Variants in GARIN1A observed in about 807,000 individuals in gnomAD.
The protein encoded by GARIN1A is golgi associated RAB2 interactor 1A.
the GARIN1A span, chr7:128,690,431 T>TAAC: frequency 2.6e-5 from 4 of 152,862 alleles, no homozygotes; most frequent in Middle Eastern, 6.8e-3. Flanking sequence ...ATAATAATAA[T>TAAC]AACGGTCAAT....
chr7:128,676,232 G>T, the GARIN1A span, among the ~76,000 whole-genome samples: 1 of 151,670 alleles, frequency 6.6e-6, no homozygotes, highest in South Asian at 2.1e-4. Flanking sequence ...GGATGGTCTC[G>T]ATCTCCTGAT....
At chr7:128,703,876 T>G in the GARIN1A span, among the ~76,000 whole-genome samples, 1 of 152,078 alleles carries the variant, frequency 6.6e-6, no homozygotes, top group African/African-American at 2.4e-5. Context: ...GGGGGAAGAT[T>G]TCACTACAGA....
At chr7:128,677,907 C>G in the GARIN1A span, 1 of 1,054,266 alleles carries the variant, frequency 9.5e-7, no homozygotes, top group Non-Finnish European at 1.3e-6. Flanking sequence ...GTTTCCATGT[C>G]TTTTAAAAGC....
chr7:128,698,961 A>G, the GARIN1A span, among the ~76,000 whole-genome samples: 1 of 152,156 alleles, frequency 6.6e-6, no homozygotes, highest in Admixed American at 6.5e-5. Flanking sequence ...ATGTCAGGGA[A>G]TAGGGGAACA....
the GARIN1A span, among the ~76,000 whole-genome samples, chr7:128,680,890 G>C: frequency 6.6e-6 from 1 of 152,128 alleles, no homozygotes; most frequent in African/African-American, 2.4e-5. Context: ...TCTGCAAAAT[G>C]GACAGAATAA....
the GARIN1A span, among the ~76,000 whole-genome samples, chr7:128,681,035 A>C: frequency 6.6e-6 from 1 of 152,272 alleles, no homozygotes; most frequent in African/African-American, 2.4e-5. Flanking sequence ...GTAGGGTATC[A>C]TCAAAATGCA....
the GARIN1A span, among the ~76,000 whole-genome samples, chr7:128,704,855 T>G: frequency 6.6e-6 from 1 of 152,184 alleles, no homozygotes; most frequent in African/African-American, 2.4e-5. Context: ...CCTGCTTTAG[T>G]GGGTAAATTT....
At chr7:128,673,372 CAA>C in the GARIN1A span, among the ~76,000 whole-genome samples, 1 of 137,436 alleles carries the variant, frequency 7.3e-6, no homozygotes, top group Non-Finnish European at 1.6e-5. Context: ...GGCATTCATT[CAA>C]GGCATTCTCT....
chr7:128,705,883 A>C, the GARIN1A span, among the ~76,000 whole-genome samples: 1 of 151,818 alleles, frequency 6.6e-6, no homozygotes, highest in Non-Finnish European at 1.5e-5. Flanking sequence ...CTCAAACTTC[A>C]TGCTCAAGTG....
chr7:128,682,957 C>G, the GARIN1A span: 1 of 1,571,712 alleles, frequency 6.4e-7, no homozygotes, highest in Non-Finnish European at 8.6e-7. Context: ...TCCCTGGGCT[C>G]CTACAGGAAC....
the GARIN1A span, among the ~76,000 whole-genome samples, chr7:128,699,483 AT>A: frequency 2.0e-5 from 3 of 152,182 alleles, no homozygotes; most frequent in African/African-American, 7.2e-5. Flanking sequence ...CTCCTGATTT[AT>A]AATCACTTTG....
At chr7:128,682,578 T>G in the GARIN1A span, among the ~76,000 whole-genome samples, 1 of 152,176 alleles carries the variant, frequency 6.6e-6, no homozygotes, top group Admixed American at 6.5e-5. Context: ...GAGTTGGTTT[T>G]TTTTGTTTTG....
chr7:128,685,217 A>G, the GARIN1A span: 2 of 152,284 alleles, frequency 1.3e-5, no homozygotes, highest in Non-Finnish European at 1.5e-5. Flanking sequence ...CGCCCACTCC[A>G]ATATTTAATA....
At chr7:128,700,871 A>T in the GARIN1A span, among the ~76,000 whole-genome samples, 1 of 151,956 alleles carries the variant, frequency 6.6e-6, no homozygotes, top group Non-Finnish European at 1.5e-5. Context: ...TACACATTTT[A>T]AGTTCCTACT....
the GARIN1A span, among the ~76,000 whole-genome samples, chr7:128,705,536 G>T: frequency 1.3e-5 from 2 of 151,742 alleles, no homozygotes; most frequent in African/African-American, 4.8e-5. Flanking sequence ...TATATCCCAA[G>T]ATTGCATTGA....
At chr7:128,682,928 C>T in the GARIN1A span, 3 of 1,479,380 alleles carry the variant, frequency 2.0e-6, no homozygotes, top group East Asian at 7.1e-5. Flanking sequence ...TCTTCTATTG[C>T]TTTCAATAAC....
chr7:128,675,686 C>T, the GARIN1A span: 55 of 1,613,652 alleles, frequency 3.4e-5, no homozygotes, highest in South Asian at 2.1e-4. Context: ...TCACTAAGCC[C>T]GGGAACTGGA....
the GARIN1A span, chr7:128,677,885 A>G: frequency 1.6e-6 from 2 of 1,286,382 alleles, no homozygotes; most frequent in African/African-American, 1.5e-5. Flanking sequence ...GTCTGTGTAT[A>G]TATATAGACT....
chr7:128,675,805 G>C, the GARIN1A span: 2 of 1,613,806 alleles, frequency 1.2e-6, no homozygotes, highest in East Asian at 4.5e-5. Context: ...TGGCCCCAGG[G>C]TCCATTTACC....
Sources: allele counts gnomAD v4.1 joint callset (sites outside exome capture counted in the v4.1 genomes callset), GRCh38; gene constraint gnomAD v4.1.1; transcripts MANE v1.5; gene names NCBI Gene and HGNC (gene_info 2026-07-23, HGNC 2026-07-21).